BTC: variants seen among roughly 807,000 people sequenced by gnomAD.
BTC encodes the protein betacellulin.
In BTC, 13 loss-of-function variants were observed where a neutral mutation model predicts 18.1. The observed-to-expected ratio is 0.72, with a 90% CI of 0.47 to 1.14. The LOEUF is 1.14. BTC is among the 50% of genes most tolerant of loss of function. The pLI, the probability that BTC is intolerant of heterozygous loss-of-function variation, is 0.00. For missense variants in BTC, 247 were observed against 224.2 expected, an observed-to-expected ratio of 1.10 and a Z score of -0.65; for synonymous variants, 83 against 79.4, an observed-to-expected ratio of 1.05 and a Z score of -0.24.
chr4:74,791,171 G>A lies in BTC; in HGVS notation c.64+3091C>T, dbSNP rs187311952. Reference sequence around the variant, plus strand: ...AGCCTGGCCAACATGCCAAAACCCCGTCTCTTCAAAAAATACAATAATTAG... The same window carrying A: ...AGCCTGGCCAACATGCCAAAACCCCATCTCTTCAAAAAATACAATAATTAG... On this transcript the variant is annotated intron_variant, in intron 1 of 5. Transcript: ENST00000395743. Among the ~76,000 whole-genome samples the A allele has an allele frequency of 1.8e-3, 257 of 143,396 alleles. 1 individual carries two copies. The highest frequency in any genetic ancestry group is 7.0e-3 in the African/African-American group (240 of 34,094). The allele number at this position is 143,396 out of a possible 152,430, so 94.1% of individuals were successfully genotyped here.
chr4:74,793,858 G>T (rs1433070785), intron 1 of BTC, among the ~76,000 whole-genome samples: 1 of 152,138 alleles, frequency 6.6e-6, no homozygotes, highest in Admixed American at 6.5e-5. Flanking sequence ...AGCTTCTTTA[G>T]TGGGTTTCCC....
At chr4:74,767,120 GAAAT>G (rs1724921416) in intron 2 of BTC, among the ~76,000 whole-genome samples, 1 of 150,466 alleles carries the variant, frequency 6.6e-6, no homozygotes, top group African/African-American at 2.4e-5. Flanking sequence ...TGGAAAAAAA[GAAAT>G]AATTTCATCT....
rs541456983 is a variant in BTC, at chr4:74,749,282, T to C, written c.429-1133A>G. On this transcript the variant is annotated intron_variant, in intron 4 of 5. Coordinates refer to ENST00000395743, the MANE Select transcript of BTC (RefSeq NM_001729.4). ...TCTCTACTACAACTACAAAAATTAG[T>C]TGGGTGTGGTGGCGGGCCCTTGTAA... 4.6e-5 allele frequency among the ~76,000 whole-genome samples: 7 copies of C among 151,898 alleles called. 1 individual carries two copies. The South Asian group carries it at 8.3e-4, about 18-fold the overall frequency.
chr4:74,772,994 T>C (rs72867579), intron 1 of BTC, among the ~76,000 whole-genome samples: 20,086 of 152,122 alleles, frequency 0.13, 1,808 homozygotes, highest in African/African-American at 0.25. Flanking sequence ...GAGTTTGCTG[T>C]CCTCACAGGT....
intron 2 of BTC, among the ~76,000 whole-genome samples, chr4:74,766,464 T>C (rs2109896051): frequency 6.6e-6 from 1 of 152,182 alleles, no homozygotes; most frequent in South Asian, 2.1e-4. Context: ...AAAACTGATG[T>C]CACAGAAATA....
intron 1 of BTC, among the ~76,000 whole-genome samples, chr4:74,772,616 G>A (rs1474747722): frequency 6.7e-6 from 1 of 148,222 alleles, no homozygotes; most frequent in African/African-American, 2.5e-5. Context: ...TTCATGGGCA[G>A]TAATAGGAGA....
In BTC at chr4:74,762,406, G is replaced by A. The variant is rs141483939; in HGVS notation, c.164-6430C>T. On this transcript the variant is annotated intron_variant, in intron 2 of 5. Transcript: ENST00000395743. ...TTGAAAAAGGGAATAATGTAGGTACGCCATAGGATTAAATGAATTTATATA... is the reference window on the plus strand; with the variant it reads ...TTGAAAAAGGGAATAATGTAGGTACACCATAGGATTAAATGAATTTATATA... 2.2e-4 allele frequency among the ~76,000 whole-genome samples: 33 copies of A among 152,216 alleles called. No homozygotes were observed. In the South Asian group the frequency reaches 2.7e-3, roughly 12 times the overall value.
chr4:74,755,596 G>A (rs1226077208), intron 3 of BTC, among the ~76,000 whole-genome samples: 1 of 152,226 alleles, frequency 6.6e-6, no homozygotes, highest in Non-Finnish European at 1.5e-5. Flanking sequence ...AATCAGTTCT[G>A]CTTGCGCAAG....
chr4:74,777,543 G>C (rs760112142), intron 1 of BTC, among the ~76,000 whole-genome samples: 25 of 152,134 alleles, frequency 1.6e-4, no homozygotes, highest in Non-Finnish European at 3.4e-4. Flanking sequence ...ACCTTCTACA[G>C]TATGCTTTTT....
chr4:74,747,927 G>GT, intron 5 of BTC, 113 bp downstream of exon 5: 1 of 521,934 alleles, frequency 1.9e-6, no homozygotes, highest in Non-Finnish European at 3.3e-6. Context: ...ATTTTTAGAT[G>GT]TTTTTAAATA....
intron 2 of BTC, among the ~76,000 whole-genome samples, chr4:74,760,405 T>A (rs1724721589): frequency 6.6e-6 from 1 of 152,252 alleles, no homozygotes; most frequent in African/African-American, 2.4e-5. Context: ...CTTCCAGGCA[T>A]CTTCCCAGTA....
chr4:74,767,131 ATC>A (rs1488668192), intron 2 of BTC, among the ~76,000 whole-genome samples: 2 of 151,808 alleles, frequency 1.3e-5, no homozygotes, highest in African/African-American at 2.4e-5. Context: ...AAATAATTTC[ATC>A]TCTGTTTGAA....
At chr4:74,757,676 A>C (rs1287123050) in intron 2 of BTC, among the ~76,000 whole-genome samples, 1 of 152,262 alleles carries the variant, frequency 6.6e-6, no homozygotes, top group Non-Finnish European at 1.5e-5. Flanking sequence ...AAAAACAAGA[A>C]TAAACAATTA....
intron 5 of BTC, among the ~76,000 whole-genome samples, chr4:74,746,925 C>T (rs993027067): frequency 6.6e-6 from 1 of 152,186 alleles, no homozygotes; most frequent in Non-Finnish European, 1.5e-5. Context: ...TGGATGTAAA[C>T]GAGGAAGCTT....
intron 1 of BTC, among the ~76,000 whole-genome samples, chr4:74,793,974 A>T (rs1725701331): frequency 6.7e-6 from 1 of 150,186 alleles, no homozygotes; most frequent in Admixed American, 6.7e-5. Context: ...CGCACAAGTC[A>T]GCAGCTGGCG....
In BTC at chr4:74,790,318, T is replaced by C. The variant is rs528032660; in HGVS notation, c.64+3944A>G. Reference sequence around the variant, plus strand: ...GTTTGGGGCACATTTTGAGTGGCTTTACATAGTATTGCATTTAATTCACGT... The same window carrying C: ...GTTTGGGGCACATTTTGAGTGGCTTCACATAGTATTGCATTTAATTCACGT... On this transcript the variant is annotated intron_variant, in intron 1 of 5. Coordinates refer to ENST00000395743, the MANE Select transcript of BTC (RefSeq NM_001729.4). Among the ~76,000 whole-genome samples, 8 of 152,360 alleles carry C rather than the reference T, an allele frequency of 5.3e-5. No homozygotes were observed. The South Asian group carries it at 1.7e-3, about 32-fold the overall frequency.
At chr4:74,783,664 T>C (rs1725399093) in intron 1 of BTC, among the ~76,000 whole-genome samples, 1 of 148,590 alleles carries the variant, frequency 6.7e-6, no homozygotes, top group South Asian at 2.2e-4. Context: ...ATGTCAATGG[T>C]AGTTTAATGG....
intron 1 of BTC, among the ~76,000 whole-genome samples, chr4:74,773,904 G>A (rs1725112867): frequency 6.6e-6 from 1 of 152,070 alleles, no homozygotes; most frequent in Non-Finnish European, 1.5e-5. Flanking sequence ...GAGCCACCAA[G>A]CCCGGCCCGA....
intron 1 of BTC, among the ~76,000 whole-genome samples, chr4:74,780,968 G>A (rs1347337312): frequency 1.3e-5 from 2 of 149,914 alleles, no homozygotes; most frequent in African/African-American, 2.5e-5. Flanking sequence ...TGAGAGTTTC[G>A]TATTTTGAAA....
Sources: allele counts gnomAD v4.1 joint callset (sites outside exome capture counted in the v4.1 genomes callset), GRCh38; gene constraint gnomAD v4.1.1; transcripts MANE v1.5; gene names NCBI Gene and HGNC (gene_info 2026-07-23, HGNC 2026-07-21).